Variants in TPD52 observed in about 807,000 individuals in gnomAD.
TPD52 encodes tumor protein D52, also known as prostate and colon associated protein.
A neutral mutation model predicts 31.3 loss-of-function variants in TPD52; 17 were observed. That is an observed-to-expected ratio of 0.54 (90% CI 0.37 to 0.82). The LOEUF is 0.82. Among genes scored for constraint, TPD52 ranks in the 40% least tolerant of loss-of-function variants. The pLI, the probability that TPD52 is intolerant of heterozygous loss-of-function variation, is 0.00. For synonymous variants in TPD52, 83 were observed against 89.6 expected (o/e 0.93, Z 0.42); for missense variants, 212 against 240.1 (o/e 0.88, Z 0.77).
chr8:80,044,734 C>A (rs141592106), intron 5 of TPD52, among the ~76,000 whole-genome samples: 71 of 152,258 alleles, frequency 4.7e-4, no homozygotes, highest in African/African-American at 1.6e-3. Flanking sequence ...CCCATAAAGA[C>A]CACCTCATGA....
intron 1 of TPD52, among the ~76,000 whole-genome samples, chr8:80,072,317 A>ATG (rs146024001): frequency 0.15 from 17,708 of 121,318 alleles, 2,609 homozygotes; most frequent in South Asian, 0.31. Flanking sequence ...AAAAACATAT[A>ATG]TGTGTGTGTG....
intron 1 of TPD52, among the ~76,000 whole-genome samples, chr8:80,106,857 C>CTT (rs34455125): frequency 0.071 from 10,177 of 143,702 alleles, 553 homozygotes; most frequent in African/African-American, 0.14. Context: ...CATAAATAAC[C>CTT]TTTTTTTTTT....
chr8:80,119,762 G>A (rs1563640322), intron 1 of TPD52: 2 of 333,174 alleles, frequency 6.0e-6, no homozygotes, highest in East Asian at 1.9e-4. Flanking sequence ...TTTGAAACAA[G>A]TCCAGAAATA....
At chr8:80,130,908 A>C (rs1052112161) in intron 1 of TPD52, among the ~76,000 whole-genome samples, 27 of 152,204 alleles carry the variant, frequency 1.8e-4, no homozygotes, top group Non-Finnish European at 7.3e-5. Flanking sequence ...ATTCAAACAA[A>C]ATTACTGTTT....
At chr8:80,072,762 C>T (rs1279975217) in intron 1 of TPD52, among the ~76,000 whole-genome samples, 1 of 149,232 alleles carries the variant, frequency 6.7e-6, no homozygotes, top group Non-Finnish European at 1.5e-5. Flanking sequence ...TACATATATA[C>T]ACACACACAT....
intron 6 of TPD52, 58 bp from the exon 7 acceptor site, chr8:80,042,726 A>G (rs1810504980): frequency 3.4e-6 from 5 of 1,490,044 alleles, no homozygotes; most frequent in Non-Finnish European, 4.6e-6. Context: ...AAATCCAACT[A>G]GTTTGAAAAT....
chr8:80,127,491 A>G (rs1158602853), intron 1 of TPD52: 1 of 152,214 alleles, frequency 6.6e-6, no homozygotes, highest in East Asian at 1.9e-4. Context: ...AAAGGTAAAG[A>G]TGGCAGCCTG....
intron 1 of TPD52, among the ~76,000 whole-genome samples, chr8:80,092,747 T>C (rs1202552569): frequency 6.7e-6 from 1 of 149,258 alleles, no homozygotes; most frequent in Non-Finnish European, 1.5e-5. Flanking sequence ...AAATCACAAA[T>C]TCCGTGTTAT....
chr8:80,159,634 T>C (rs970546901), intron 1 of TPD52, among the ~76,000 whole-genome samples: 7 of 152,198 alleles, frequency 4.6e-5, no homozygotes, highest in Non-Finnish European at 1.0e-4. Flanking sequence ...CATCTGCTCA[T>C]AGGGTATGTT....
chr8:80,109,795 C>T (rs1265026456), intron 1 of TPD52, among the ~76,000 whole-genome samples: 2 of 152,120 alleles, frequency 1.3e-5, no homozygotes, highest in Non-Finnish European at 2.9e-5. Flanking sequence ...TAGACTGCAG[C>T]CCTATTAACT....
intron 1 of TPD52, among the ~76,000 whole-genome samples, chr8:80,151,707 A>G (rs989205306): frequency 1.7e-4 from 26 of 151,638 alleles, no homozygotes; most frequent in African/African-American, 6.3e-4. Flanking sequence ...TTTTTTTTCT[A>G]TTGTTCTGTT....
At chr8:80,103,964 A>AC (rs1346957338) in intron 1 of TPD52, among the ~76,000 whole-genome samples, 1 of 152,008 alleles carries the variant, frequency 6.6e-6, no homozygotes, top group Non-Finnish European at 1.5e-5. Flanking sequence ...TATTGCTTGA[A>AC]CCCCAAAAGC....
At chr8:80,065,534 A>C (rs1171898619) in intron 1 of TPD52, among the ~76,000 whole-genome samples, 1 of 152,084 alleles carries the variant, frequency 6.6e-6, no homozygotes, top group Non-Finnish European at 1.5e-5. Flanking sequence ...ACAGGCTAAG[A>C]TGAGGCCAGA....
At chr8:80,113,268 GAAA>G (rs59954096) in intron 1 of TPD52, among the ~76,000 whole-genome samples, 17 of 106,156 alleles carry the variant, frequency 1.6e-4, no homozygotes, top group African/African-American at 4.2e-4. Context: ...TTGTCAAAAA[GAAA>G]AAAAAAAAAA....
chr8:80,168,486 T>A (rs1324664377), intron 1 of TPD52, among the ~76,000 whole-genome samples: 1 of 152,206 alleles, frequency 6.6e-6, no homozygotes, highest in East Asian at 1.9e-4. Context: ...ATCCTAAAAT[T>A]TTCTGCTTTG....
chr8:80,077,043 G>C (rs185099189), intron 1 of TPD52, among the ~76,000 whole-genome samples: 2 of 152,120 alleles, frequency 1.3e-5, no homozygotes, highest in Middle Eastern at 3.4e-3. Flanking sequence ...TTGGGAGGCC[G>C]AGGCAGGCGG....
At position 80,122,023 on chromosome 8, in the gene TPD52, GA is replaced by G. The variant is rs3053827; in HGVS notation, c.19+49401del. Among the ~76,000 whole-genome samples, 484 of 146,092 alleles carry G rather than the reference GA, an allele frequency of 3.3e-3. 3 individuals are homozygous for G. Among genetic ancestry groups the G allele is most frequent in the African/African-American group, 8.4e-3 (337 of 40,062 alleles). ...GCTTTGCTTACTTACACCTTCAAAA[GA>G]AAAAAAAAAACTCCTGTGCAATGAT... On this transcript the variant is annotated intron_variant, in intron 1 of 7. Coordinates refer to ENST00000518937, the MANE Select transcript of TPD52 (RefSeq NM_001025253.3).
At chr8:80,133,584 G>A (rs1809180245) in intron 1 of TPD52, among the ~76,000 whole-genome samples, 1 of 152,026 alleles carries the variant, frequency 6.6e-6, no homozygotes, top group Admixed American at 6.6e-5. Flanking sequence ...CCCACTCACT[G>A]AGCCAGAGAA....
intron 1 of TPD52, among the ~76,000 whole-genome samples, chr8:80,139,779 A>G (rs966002777): frequency 6.6e-6 from 1 of 152,170 alleles, no homozygotes; most frequent in Admixed American, 6.5e-5. Context: ...AAAATCAAAT[A>G]AAATACAACG....
Sources: allele counts gnomAD v4.1 joint callset (sites outside exome capture counted in the v4.1 genomes callset), GRCh38; gene constraint gnomAD v4.1.1; transcripts MANE v1.5; gene names NCBI Gene and HGNC (gene_info 2026-07-23, HGNC 2026-07-21).